Variants in VCPIP1 observed in about 807,000 individuals in gnomAD.
VCPIP1 encodes valosin containing protein interacting protein 1.
In VCPIP1, 8 loss-of-function variants were observed where a neutral mutation model predicts 85.0. That is an observed-to-expected ratio of 0.09 (90% CI 0.06 to 0.17). The LOEUF (loss-of-function observed/expected upper bound fraction) is 0.17. VCPIP1 is among the 10% of genes least tolerant of loss of function. VCPIP1 has a pLI of 1.00. For synonymous variants in VCPIP1, 543 were observed against 544.5 expected (o/e 1.00, Z 0.04); for missense variants, 1,070 against 1,486.3 (o/e 0.72, Z 4.61).
chr8:66,661,000 A>G (rs1811151091), intron 1 of VCPIP1, among the ~76,000 whole-genome samples: 1 of 152,034 alleles, frequency 6.6e-6, no homozygotes, highest in South Asian at 2.1e-4. Flanking sequence ...CCGAGATCGC[A>G]CCACTGCACT....
At chr8:66,639,434 A>T (rs1211213731) in intron 2 of VCPIP1, among the ~76,000 whole-genome samples, 2 of 133,018 alleles carry the variant, frequency 1.5e-5, no homozygotes, top group Admixed American at 9.2e-5. Context: ...GGCTCACTGC[A>T]GCCTCCTCCT....
rs371195092 is a variant in VCPIP1, at chr8:66,649,785, CTA to C, written c.2797+1671_2797+1672del. On this transcript the variant is annotated intron_variant, in intron 2 of 2. Transcript: ENST00000310421. Reference sequence around the variant, plus strand: ...TACGGTGGTGGTGTTGGTTACATGACTATATATGTTTGTCAAAATTCATATAC... The same window carrying C: ...TACGGTGGTGGTGTTGGTTACATGACTATATGTTTGTCAAAATTCATATAC... 1.7e-3 allele frequency among the ~76,000 whole-genome samples: 252 copies of C among 152,080 alleles called. 2 individuals carry two copies. The highest frequency in any genetic ancestry group is 5.7e-3 in the African/African-American group (238 of 41,490).
At chr8:66,658,563 A>G (rs1811122709) in intron 1 of VCPIP1, among the ~76,000 whole-genome samples, 1 of 151,956 alleles carries the variant, frequency 6.6e-6, no homozygotes, top group Non-Finnish European at 1.5e-5. Flanking sequence ...ATCTTGGCTC[A>G]CTACAACCTC....
intron 2 of VCPIP1, among the ~76,000 whole-genome samples, chr8:66,648,083 C>G (rs1811013764): frequency 6.6e-6 from 1 of 152,068 alleles, no homozygotes; most frequent in Admixed American, 6.6e-5. Context: ...AGGTGTGAGC[C>G]ACAGTACCTG....
intron 2 of VCPIP1, among the ~76,000 whole-genome samples, chr8:66,638,966 C>CTATATATA (rs1352372228): frequency 1.4e-4 from 18 of 130,950 alleles, no homozygotes; most frequent in African/African-American, 6.2e-4. Flanking sequence ...CTCTCTCTCT[C>CTATATATA]TCTCTATATA....
At position 66,647,985 on chromosome 8, in the gene VCPIP1, T is replaced by C. The variant is rs1254984028; in HGVS notation, c.2797+3473A>G. On this transcript the variant is annotated intron_variant, in intron 2 of 2. Transcript: ENST00000310421. Reference sequence around the variant, plus strand: ...TATTTTATATTTTTTATATTTTTAGTAGGGATGGGGTTTCATCATGTTGCC... The same window carrying C: ...TATTTTATATTTTTTATATTTTTAGCAGGGATGGGGTTTCATCATGTTGCC... 3.3e-5 allele frequency among the ~76,000 whole-genome samples: 5 copies of C among 152,038 alleles called. No homozygotes were observed. The South Asian group carries it at 8.3e-4, about 25-fold the overall frequency.
Position 66,628,712 on chromosome 8 carries a change from A to T in VCPIP1, c.*5789T>A, listed in dbSNP as rs565675342. Reference sequence around the variant, plus strand: ...AGACCTCAAGTCCAAGTTTGGGATAACTGTAGCCAACACCTAAAGGAAAGG... The same window carrying T: ...AGACCTCAAGTCCAAGTTTGGGATATCTGTAGCCAACACCTAAAGGAAAGG... On this transcript the variant is annotated 3_prime_UTR_variant, in exon 3 of 3. Coordinates refer to ENST00000310421, the MANE Select transcript of VCPIP1 (RefSeq NM_025054.5). 2 of 152,338 alleles carry T rather than the reference A, an allele frequency of 1.3e-5. No individual in the cohort carries two copies. The highest frequency in any genetic ancestry group is 4.8e-5 in the African/African-American group (2 of 41,572). The allele number at this position is 152,338 out of a possible 1,614,324, so 9.4% of individuals were successfully genotyped here. A position where few individuals can be genotyped will look rare whatever the true frequency, so the allele number is the denominator to read the frequency against.
intron 2 of VCPIP1, among the ~76,000 whole-genome samples, chr8:66,638,608 T>C (rs573147174): frequency 1.3e-5 from 2 of 151,654 alleles, no homozygotes; most frequent in South Asian, 2.1e-4. Context: ...TGAAACCTCA[T>C]CTCTACTAAA....
At chr8:66,647,195 G>C (rs1189380872) in intron 2 of VCPIP1, among the ~76,000 whole-genome samples, 3 of 151,874 alleles carry the variant, frequency 2.0e-5, no homozygotes, top group Non-Finnish European at 4.4e-5. Flanking sequence ...ACAAAAATTA[G>C]CCAGGCGCGG....
At chr8:66,658,812 C>T (rs1007279321) in intron 1 of VCPIP1, among the ~76,000 whole-genome samples, 1 of 151,980 alleles carries the variant, frequency 6.6e-6, no homozygotes, top group African/African-American at 2.4e-5. Flanking sequence ...AAGGCATTTA[C>T]GACATCAAGA....
chr8:66,666,888 G>T lies in VCPIP1; in HGVS notation c.71C>A (p.Pro24Gln). The T allele has an allele frequency of 6.2e-7, 1 of 1,612,294 alleles. No individual in the cohort carries two copies. ...PPPPPEAPQT[P>Q]SSLASAAASG... is the part of the protein sequence containing the mutation. ...AGCAGCCGCCGACGCCAAGGACGAC[G>T]GAGTCTGTGGAGCCTCAGGGGGAGG... Residue 24 changes from proline to glutamine, a missense_variant, in exon 1 of 3, where the codon CCG becomes CAG. Physicochemically the swap from Pro to Gln is moderately conservative, Grantham distance 76 (BLOSUM62 -1). Around this residue, in one of 8 missense-constraint regions of VCPIP1, gnomAD observed 164 missense variants for 158.6 expected, o/e 1.03. Transcript: ENST00000310421. This position sits in a 1 kb window ranked among gnomAD's most constrained non-coding sequence, Gnocchi z 6.3.
At chr8:66,648,992 T>C (rs1253463004) in intron 2 of VCPIP1, among the ~76,000 whole-genome samples, 1 of 152,066 alleles carries the variant, frequency 6.6e-6, no homozygotes, top group African/African-American at 2.4e-5. Context: ...AGACCTTGTC[T>C]CTACAAAAAA....
intron 2 of VCPIP1, among the ~76,000 whole-genome samples, chr8:66,635,989 G>A (rs1176935688): frequency 6.6e-6 from 1 of 151,446 alleles, no homozygotes; most frequent in Non-Finnish European, 1.5e-5. Flanking sequence ...AGCACTTTGG[G>A]AGGCAGACAG....
At chr8:66,657,612 T>A (rs1811113061) in intron 1 of VCPIP1, among the ~76,000 whole-genome samples, 1 of 152,228 alleles carries the variant, frequency 6.6e-6, no homozygotes, top group African/African-American at 2.4e-5. Flanking sequence ...ATTTTTATCA[T>A]ACACAGACAT....
At chr8:66,644,547 A>G (rs1182426428) in intron 2 of VCPIP1, among the ~76,000 whole-genome samples, 4 of 152,164 alleles carry the variant, frequency 2.6e-5, no homozygotes, top group Admixed American at 1.3e-4. Flanking sequence ...TCAATCCTCA[A>G]TCTTACAAAA....
Position 66,634,923 on chromosome 8 carries a change from G to T in VCPIP1, c.3247C>A (p.Arg1083=). The change falls in exon 3 of 3, where the codon CGA becomes AGA. Residue 1083 remains arginine (R), a synonymous_variant. Coordinates refer to ENST00000310421, the MANE Select transcript of VCPIP1 (RefSeq NM_025054.5). ...ATTGTTACTACTCCAGGAGCTATTC[G>T]AATAAGCTCACTATTACTAGAAGAA... ...TASSSNSELI[R]IAPGVVTMRD... is the part of the protein sequence containing the mutation. The T allele has an allele frequency of 6.2e-7, 1 of 1,613,536 alleles. No individual in the cohort carries two copies. Among genetic ancestry groups the T allele is most frequent in the South Asian group, 1.1e-5 (1 of 91,016 alleles).
In VCPIP1 at chr8:66,664,743, T is replaced by G; in HGVS notation, c.2216A>C (p.Gln739Pro). 1.2e-6 allele frequency: 2 copies of G among 1,613,496 alleles called. No homozygotes were observed. Among genetic ancestry groups the G allele is most frequent in the Non-Finnish European group, 1.7e-6 (2 of 1,179,830 alleles). ...AGAAACAGTCCTGGGTTGCCCTTTT[T>G]GTTCTTGTTTTAACTTCTCTGTTTT... ...KRKTEKLKQE[Q>P]KGQPRTVSPS... The change falls in exon 1 of 3, where the codon CAA (glutamine) becomes CCA (proline). Residue 739 changes from glutamine (Q) to proline (P), a missense_variant. Gln to Pro is a moderately conservative substitution (Grantham distance 76). Around this residue, in one of 8 missense-constraint regions of VCPIP1, gnomAD observed 278 missense variants for 298.5 expected, o/e 0.93. Transcript: ENST00000310421.
intron 1 of VCPIP1, among the ~76,000 whole-genome samples, chr8:66,658,537 G>A (rs956076161): frequency 6.6e-6 from 1 of 151,926 alleles, no homozygotes; most frequent in Non-Finnish European, 1.5e-5. Flanking sequence ...TCACCAGGCT[G>A]GAGTGCAATG....
intron 2 of VCPIP1, 89 bp downstream of exon 2, chr8:66,651,369 T>C (rs1233055152): frequency 1.1e-5 from 11 of 989,070 alleles, no homozygotes; most frequent in Non-Finnish European, 1.4e-5. Context: ...ACTTTGAAAA[T>C]ATTTTAGTAG....
Sources: gnomAD v4.1 joint callset for allele counts (sites outside exome capture counted in the v4.1 genomes callset) on GRCh38, gnomAD v4.1.1 for gene constraint, gnomAD v4.1.1 regional missense constraint, Gnocchi (gnomAD v3.1) non-coding constraint, MANE v1.5 for transcripts, NCBI Gene and HGNC (gene_info 2026-07-23, HGNC 2026-07-21) for gene names.